CPEB3: variants seen among roughly 807,000 people sequenced by gnomAD.
The protein encoded by CPEB3 is cytoplasmic polyadenylation element-binding protein 3.
A neutral mutation model predicts 67.2 loss-of-function variants in CPEB3; 20 were observed. That is an observed-to-expected ratio of 0.30 (90% confidence interval 0.21 to 0.43). The LOEUF (loss-of-function observed/expected upper bound fraction) is 0.43, where lower values mean the gene tolerates loss of function less well. CPEB3 is among the 20% of genes least tolerant of loss of function. The probability of loss-of-function intolerance (pLI) is 1.00; values close to 1 mark genes in which losing one functional copy is unlikely to be tolerated. For synonymous variants in CPEB3, 376 were observed against 393.1 expected (o/e 0.96, Z 0.51); for missense variants, 746 against 968.6 (o/e 0.77, Z 3.05).
chr10:92,219,892 T>C (rs558950859), intron 2 of CPEB3, among the ~76,000 whole-genome samples: 1 of 152,340 alleles, frequency 6.6e-6, no homozygotes, highest in Admixed American at 6.5e-5. Context: ...GCATGGTGGC[T>C]CACGCCTGTA....
intron 1 of CPEB3, among the ~76,000 whole-genome samples, chr10:92,266,306 CAGG>C (rs1462035289): frequency 7.2e-5 from 11 of 152,116 alleles, no homozygotes; most frequent in African/African-American, 2.4e-4. Flanking sequence ...CCAGAAGAGG[CAGG>C]AGGAGGAAAA....
intron 9 of CPEB3, among the ~76,000 whole-genome samples, chr10:92,062,287 C>T (rs1842386140): frequency 6.7e-6 from 1 of 149,940 alleles, no homozygotes; most frequent in Admixed American, 6.7e-5. Context: ...GTGGCACACA[C>T]CTATAATCCC....
intron 9 of CPEB3, among the ~76,000 whole-genome samples, chr10:92,053,525 G>A (rs1317293280): frequency 1.0e-4 from 15 of 147,792 alleles, no homozygotes; most frequent in Non-Finnish European, 1.8e-4. Context: ...CACCACGCTC[G>A]GCTAATTTTT....
Position 92,081,383 on chromosome 10 carries a change from C to T in CPEB3, c.1806G>A (p.Gln602=). ...GAGCGCTGATGGCTGCAATGTAACT[C>T]TGCTGATTGGAGAATGCCACGCGGC... ...GAGRVAFSNQ[Q]SYIAAISARF... Residue 602 remains glutamine, a synonymous_variant, in exon 9 of 10, where the codon CAG becomes CAA. Coordinates refer to ENST00000265997, the MANE Select transcript of CPEB3 (RefSeq NM_014912.5). 6.2e-7 allele frequency: 1 copy of T among 1,614,210 alleles called. No individual in the cohort carries two copies.
intron 7 of CPEB3, among the ~76,000 whole-genome samples, chr10:92,092,794 G>A (rs141350211): frequency 0.015 from 2,214 of 152,034 alleles, 56 homozygotes; most frequent in African/African-American, 0.05. Context: ...AAAAAAAAGA[G>A]AGAGAATTAC....
Position 92,239,280 on chromosome 10 carries a change from AAGTC to A in CPEB3, c.1005+62_1005+65del, listed in dbSNP as rs1851690584. On this transcript the variant is annotated intron_variant, in intron 2 of 9. Transcript: ENST00000265997. This position sits in a 1 kb window ranked among gnomAD's most constrained non-coding sequence, Gnocchi z 6.0. ...TAAATATAAGCGGGTGGATGATTAAAAGTCAGAGAAGTGGCAAAAGGAGCGGGGC... is the reference window on the plus strand; with the variant it reads ...TAAATATAAGCGGGTGGATGATTAAAAGAGAAGTGGCAAAAGGAGCGGGGC... 59 of 1,523,560 alleles carry A rather than the reference AAGTC, an allele frequency of 3.9e-5. 1 individual carries two copies. In the South Asian group the frequency reaches 6.2e-4, roughly 16 times the overall value. The allele number at this position is 1,523,560 out of a possible 1,614,324, so 94.4% of individuals were successfully genotyped here. A position where few individuals can be genotyped will look rare whatever the true frequency, so the allele number is the denominator to read the frequency against.
chr10:92,289,660 G>A (rs1187679650), intron 1 of CPEB3, among the ~76,000 whole-genome samples: 1 of 136,894 alleles, frequency 7.3e-6, no homozygotes, highest in Admixed American at 7.7e-5. Flanking sequence ...CGGGTGGCTC[G>A]CTTGAGCCCA....
intron 6 of CPEB3, among the ~76,000 whole-genome samples, chr10:92,115,123 G>A (rs1282986348): frequency 3.3e-5 from 5 of 152,126 alleles, no homozygotes; most frequent in Non-Finnish European, 7.4e-5. Context: ...AGTAGAGCCC[G>A]GGACCGCCGG....
chr10:92,095,557 T>C lies in CPEB3; in HGVS notation c.1573-3613A>G, dbSNP rs1436778925. Among the ~76,000 whole-genome samples the C allele has an allele frequency of 9.4e-5, 14 of 148,748 alleles. No homozygotes were observed. In the Admixed American group the frequency reaches 9.5e-4, roughly 10 times the overall value. On this transcript the variant is annotated intron_variant, in intron 7 of 9. Coordinates refer to ENST00000265997, the MANE Select transcript of CPEB3 (RefSeq NM_014912.5). ...TCTATCCTTCTGGACTTACTCTTTG[T>C]TTGGATATATTTTCTGGTCCTGATT... is the stretch of plus-strand genomic sequence containing the variant.
At chr10:92,207,978 T>C (rs988412157) in intron 2 of CPEB3, among the ~76,000 whole-genome samples, 3 of 152,242 alleles carry the variant, frequency 2.0e-5, no homozygotes, top group Non-Finnish European at 4.4e-5. Context: ...AAATATTTGA[T>C]AGTCCTGTTG....
At position 92,276,042 on chromosome 10, in the gene CPEB3, G is replaced by A. The variant is rs550764688; in HGVS notation, c.-12+14884C>T. On this transcript the variant is annotated intron_variant, in intron 1 of 9. Transcript: ENST00000265997. ...TTTTTGTATTTTTAGTAGAGATGGG[G>A]TTTCACTGTGTTAGCCAGGATGGTC... Among the ~76,000 whole-genome samples the A allele has an allele frequency of 4.0e-5, 6 of 151,172 alleles. No individual in the cohort carries two copies. The East Asian group carries it at 9.8e-4, about 25-fold the overall frequency.
intron 1 of CPEB3, among the ~76,000 whole-genome samples, chr10:92,283,468 C>T (rs1308372682): frequency 6.6e-6 from 1 of 152,122 alleles, no homozygotes; most frequent in African/African-American, 2.4e-5. Flanking sequence ...GATTCTGTAA[C>T]CTGCCCAAAT....
chr10:92,229,971 A>T (rs1851186008), intron 2 of CPEB3, among the ~76,000 whole-genome samples: 2 of 152,212 alleles, frequency 1.3e-5, no homozygotes, highest in South Asian at 4.1e-4. Flanking sequence ...GCTTGAACCC[A>T]GGAGGCGGAG....
intron 7 of CPEB3, among the ~76,000 whole-genome samples, chr10:92,108,386 G>A (rs182571775): frequency 6.2e-4 from 95 of 152,022 alleles, no homozygotes; most frequent in African/African-American, 2.1e-3. Context: ...ATGGGAGCAT[G>A]CACAATGAGG....
chr10:92,286,130 T>C (rs1158184672), intron 1 of CPEB3, among the ~76,000 whole-genome samples: 1 of 151,434 alleles, frequency 6.6e-6, no homozygotes, highest in Non-Finnish European at 1.5e-5. Context: ...AGAGACAGGG[T>C]TTCACTGTGT....
In CPEB3 at chr10:92,277,748, G is replaced by A. The variant is rs764772580; in HGVS notation, c.-12+13178C>T. ...TCTACTAAAAATACAAAAATCAGCCGGGCATGGTGGCAGGTGCATGTAGTC... is the reference window on the plus strand; with the variant it reads ...TCTACTAAAAATACAAAAATCAGCCAGGCATGGTGGCAGGTGCATGTAGTC... On this transcript the variant is annotated intron_variant, in intron 1 of 9. Transcript: ENST00000265997. Among the ~76,000 whole-genome samples the A allele has an allele frequency of 1.6e-4, 24 of 151,974 alleles. No homozygotes were observed. The South Asian group carries it at 2.7e-3, about 17-fold the overall frequency.
intron 2 of CPEB3, among the ~76,000 whole-genome samples, chr10:92,234,817 C>A (rs1355240333): frequency 6.6e-6 from 1 of 152,026 alleles, no homozygotes. Context: ...CCCAGCTACT[C>A]ACGAGGCTGA....
At chr10:92,076,901 GGAA>G (rs1399159789) in intron 9 of CPEB3, among the ~76,000 whole-genome samples, 2 of 151,446 alleles carry the variant, frequency 1.3e-5, no homozygotes, top group Admixed American at 6.6e-5. Context: ...GAGGAAGGAA[GGAA>G]GAAGGGAGGG....
At chr10:92,142,053 A>C (rs947133219) in intron 6 of CPEB3, among the ~76,000 whole-genome samples, 5 of 151,352 alleles carry the variant, frequency 3.3e-5, no homozygotes, top group African/African-American at 1.2e-4. Flanking sequence ...AAAAAAAAAA[A>C]CAAAGAACAA....
Sources: gnomAD v4.1 joint callset for allele counts (sites outside exome capture counted in the v4.1 genomes callset) on GRCh38, gnomAD v4.1.1 for gene constraint, Gnocchi (gnomAD v3.1) non-coding constraint, MANE v1.5 for transcripts, NCBI Gene and HGNC (gene_info 2026-07-23, HGNC 2026-07-21) for gene names.